The following LRRIQ3 variants were observed in gnomAD, a reference collection of about 807,000 sequenced individuals.
LRRIQ3 encodes the protein leucine rich repeats and IQ motif containing 3, also known as leucine-rich repeat and IQ domain-containing protein 3.
In LRRIQ3, 75 loss-of-function variants were observed where a neutral mutation model predicts 59.3. The observed-to-expected ratio is 1.26, with a 90% CI of 1.05 to 1.53. LRRIQ3 has a LOEUF of 1.53. LRRIQ3 is among the 40% of genes most tolerant of loss of function. The pLI is 0.00. For missense variants in LRRIQ3, 831 were observed against 710.0 expected, an observed-to-expected ratio of 1.17 and a Z score of -1.94; for synonymous variants, 250 against 231.3, an observed-to-expected ratio of 1.08 and a Z score of -0.73.
chr1:74,129,575 G>T (rs980636769), intron 4 of LRRIQ3, among the ~76,000 whole-genome samples: 4 of 151,972 alleles, frequency 2.6e-5, no homozygotes, highest in Non-Finnish European at 5.9e-5. Context: ...GCTCTACTCT[G>T]TTTGGGCCAA....
intron 5 of LRRIQ3, among the ~76,000 whole-genome samples, chr1:74,091,925 ATC>A (rs1646399108): frequency 6.6e-6 from 1 of 152,002 alleles, no homozygotes; most frequent in South Asian, 2.1e-4. Flanking sequence ...TCATAATAGA[ATC>A]TCTGATTTTT....
chr1:74,105,070 ATT>A (rs1329933167), intron 5 of LRRIQ3, among the ~76,000 whole-genome samples: 1 of 152,068 alleles, frequency 6.6e-6, no homozygotes, highest in African/African-American at 2.4e-5. Flanking sequence ...AAGTAAGTAA[ATT>A]TTTTGTTCAC....
rs190079134 is a variant in LRRIQ3 at position 74,075,413 on chromosome 1, G to A, written c.868-623C>T. ...GAAACCCTGTCTCTACTAAAAATAC[G>A]AAAATTAGCCAGGTGTGGTGGTGCA... On this transcript the variant is annotated intron_variant, in intron 5 of 7. Transcript: ENST00000354431. Among the ~76,000 whole-genome samples the A allele has an allele frequency of 3.8e-3, 571 of 151,550 alleles. 6 individuals are homozygous for A. Among genetic ancestry groups the A allele is most frequent in the African/African-American group, 0.013 (545 of 41,348 alleles).
At chr1:74,152,536 T>C (rs775100950) in intron 4 of LRRIQ3, among the ~76,000 whole-genome samples, 29 of 152,302 alleles carry the variant, frequency 1.9e-4, no homozygotes, top group Middle Eastern at 3.4e-3. Flanking sequence ...ATTAATAATG[T>C]TGGCAACCAA....
chr1:74,078,695 T>C (rs1646236811), intron 5 of LRRIQ3: 1 of 151,822 alleles, frequency 6.6e-6, no homozygotes, highest in South Asian at 2.1e-4. Context: ...CAGGAAAACA[T>C]ATCTTCAGAT....
In LRRIQ3 at chr1:74,160,328, T is replaced by C. The variant is rs577478604; in HGVS notation, c.574-4462A>G. Among the ~76,000 whole-genome samples the C allele has an allele frequency of 2.6e-5, 4 of 152,208 alleles. No individual in the cohort carries two copies. In the East Asian group the frequency reaches 7.7e-4, roughly 29 times the overall value. Reference sequence around the variant, plus strand: ...CTCTGCCTCACAGGCTCTTCACTCATGCCAACACCTCTATTTGCCTAGTAA... The same window carrying C: ...CTCTGCCTCACAGGCTCTTCACTCACGCCAACACCTCTATTTGCCTAGTAA... On this transcript the variant is annotated intron_variant, in intron 3 of 7. Coordinates refer to ENST00000354431, the MANE Select transcript of LRRIQ3 (RefSeq NM_001105659.2).
At chr1:74,180,661 T>C in intron 3 of LRRIQ3, 1 of 1,500,930 alleles carries the variant, frequency 6.7e-7, no homozygotes, top group South Asian at 1.2e-5. Context: ...CTCTGCACTG[T>C]CTGTCATTTG....
chr1:74,143,486 T>C (rs1466475529), intron 4 of LRRIQ3, among the ~76,000 whole-genome samples: 1 of 151,896 alleles, frequency 6.6e-6, no homozygotes, highest in African/African-American at 2.4e-5. Flanking sequence ...TTTTAAATCA[T>C]TGTATATATC....
intron 6 of LRRIQ3, among the ~76,000 whole-genome samples, chr1:74,057,712 C>T (rs1654578691): frequency 6.6e-6 from 1 of 152,024 alleles, no homozygotes; most frequent in East Asian, 1.9e-4. Context: ...ACTTCAAAGG[C>T]ACAGGTAACA....
intron 6 of LRRIQ3, among the ~76,000 whole-genome samples, chr1:74,046,050 T>A (rs568898491): frequency 1.3e-5 from 2 of 152,280 alleles, no homozygotes; most frequent in Admixed American, 6.5e-5. Context: ...ATTTATAGAT[T>A]TAATGCTATT....
intron 3 of LRRIQ3, among the ~76,000 whole-genome samples, chr1:74,157,980 C>T (rs927414640): frequency 2.6e-5 from 4 of 152,080 alleles, no homozygotes; most frequent in African/African-American, 9.7e-5. Flanking sequence ...TATACACTAC[C>T]TTAGTAAATG....
chr1:74,177,025 T>G (rs1396134702), intron 3 of LRRIQ3, among the ~76,000 whole-genome samples: 1 of 152,218 alleles, frequency 6.6e-6, no homozygotes, highest in Admixed American at 6.5e-5. Flanking sequence ...GTGGTTATTT[T>G]CTAAAAGTTA....
intron 6 of LRRIQ3, among the ~76,000 whole-genome samples, chr1:74,055,357 C>T (rs1426437761): frequency 6.6e-6 from 1 of 151,738 alleles, no homozygotes; most frequent in South Asian, 2.1e-4. Context: ...ATTTCTTGTT[C>T]CCCCCTCTCT....
intron 5 of LRRIQ3, 124 bp downstream of exon 5, chr1:74,109,270 C>A (rs1407035037): frequency 1.4e-6 from 1 of 739,020 alleles, no homozygotes; most frequent in Non-Finnish European, 2.2e-6. Context: ...AAATATAAAG[C>A]AGGATATTAA....
intron 5 of LRRIQ3, chr1:74,084,180 C>T (rs1203129801): frequency 2.6e-6 from 4 of 1,547,216 alleles, no homozygotes; most frequent in Non-Finnish European, 3.5e-6. Flanking sequence ...ACATCCAGCC[C>T]ACTTCAGTGA....
At chr1:74,106,481 T>G (rs1392946502) in intron 5 of LRRIQ3, among the ~76,000 whole-genome samples, 1 of 152,006 alleles carries the variant, frequency 6.6e-6, no homozygotes, top group African/African-American at 2.4e-5. Flanking sequence ...TCTCTCACAC[T>G]ATATTCCTTC....
chr1:74,093,895 C>A (rs1257603882), intron 5 of LRRIQ3, among the ~76,000 whole-genome samples: 1 of 152,064 alleles, frequency 6.6e-6, no homozygotes, highest in African/African-American at 2.4e-5. Context: ...ATGTCCTAAT[C>A]CCCTGAACCC....
chr1:74,136,036 A>G (rs1163993270), intron 4 of LRRIQ3, among the ~76,000 whole-genome samples: 2 of 152,038 alleles, frequency 1.3e-5, no homozygotes, highest in Admixed American at 6.6e-5. Context: ...TTACGAAAAT[A>G]AAAAAGAGAC....
chr1:74,044,049 T>C (rs539570769), intron 6 of LRRIQ3, among the ~76,000 whole-genome samples: 5 of 152,184 alleles, frequency 3.3e-5, no homozygotes, highest in African/African-American at 1.2e-4. Flanking sequence ...CTATCACATA[T>C]GTTTTTCCTG....
Sources: allele counts gnomAD v4.1 joint callset (sites outside exome capture counted in the v4.1 genomes callset), GRCh38; gene constraint gnomAD v4.1.1; transcripts MANE v1.5; gene names NCBI Gene and HGNC (gene_info 2026-07-23, HGNC 2026-07-21).